Variants in SMARCA2 observed in about 807,000 individuals in gnomAD.
SMARCA2 encodes the protein SWI/SNF-related matrix-associated actin-dependent regulator of chromatin subfamily A member 2.
Under a neutral mutation model 199.8 loss-of-function variants are expected in SMARCA2, and 61 were observed. The observed-to-expected ratio is 0.31, with a 90% CI of 0.25 to 0.38. The LOEUF (loss-of-function observed/expected upper bound fraction) is 0.38, where lower values mean the gene tolerates loss of function less well. SMARCA2 is among the 10% of genes least tolerant of loss of function. The pLI is 1.00. For missense variants in SMARCA2, 1,344 were observed against 2,012.2 expected, an observed-to-expected ratio of 0.67 and a Z score of 6.35; for synonymous variants, 935 against 732.0, an observed-to-expected ratio of 1.28 and a Z score of -4.48.
intron 9 of SMARCA2, among the ~76,000 whole-genome samples, chr9:2,062,092 T>C (rs950397434): frequency 1.2e-4 from 19 of 152,232 alleles, no homozygotes; most frequent in Middle Eastern, 6.8e-3. Flanking sequence ...GTGAGGAACA[T>C]ATACGTAAGG....
intron 27 of SMARCA2, among the ~76,000 whole-genome samples, chr9:2,149,675 T>G (rs1402999483): frequency 6.6e-6 from 1 of 151,576 alleles, no homozygotes; most frequent in Admixed American, 6.6e-5. Flanking sequence ...GGGAGTACAA[T>G]TCAAGATGAG....
chr9:2,016,062 G>T lies in SMARCA2; in HGVS notation c.-37+658G>T, dbSNP rs1168848198. On this transcript the variant is annotated intron_variant, in intron 1 of 33. Transcript: ENST00000349721. This position sits in a 1 kb window ranked among gnomAD's most constrained non-coding sequence, Gnocchi z 5.6. ...CCCAGGGACTTGTTCAAAGGGCTCC[G>T]GCTGCGGAGACGTGAGCGGATCGCA... is the stretch of plus-strand genomic sequence containing the variant. 1 of 152,300 alleles carries T rather than the reference G, an allele frequency of 6.6e-6. No homozygotes were observed. Among genetic ancestry groups the T allele is most frequent in the African/African-American group, 2.4e-5 (1 of 41,460 alleles). The allele number at this position is 152,300 out of a possible 1,614,324, so 9.4% of individuals were successfully genotyped here.
At chr9:2,176,921 GT>G (rs1401994299) in intron 29 of SMARCA2, among the ~76,000 whole-genome samples, 1 of 152,014 alleles carries the variant, frequency 6.6e-6, no homozygotes, top group Non-Finnish European at 1.5e-5. Context: ...ATCCCACCCT[GT>G]TTTGCTCTTG....
rs540593827 is a variant in SMARCA2 at position 2,096,773 on chromosome 9, C to G, written c.2991+9C>G. On this transcript the variant is annotated intron_variant, in intron 20 of 33. Transcript: ENST00000349721. ...CTGAGAAAGATAAGAAGGTACGTTGCGAAAGATGATGCAACTCAAGGTGCT... is the reference window on the plus strand; with the variant it reads ...CTGAGAAAGATAAGAAGGTACGTTGGGAAAGATGATGCAACTCAAGGTGCT... The G allele has an allele frequency of 1.3e-6, 2 of 1,548,182 alleles. No individual in the cohort carries two copies. Among genetic ancestry groups the G allele is most frequent in the African/African-American group, 2.7e-5 (2 of 73,628 alleles).
chr9:2,077,082 C>A (rs1220229240), intron 13 of SMARCA2, among the ~76,000 whole-genome samples: 4 of 152,126 alleles, frequency 2.6e-5, no homozygotes, highest in Admixed American at 2.6e-4. Context: ...AAGAATCCCC[C>A]TCAGTGGTTC....
chr9:2,064,544 C>T (rs1447434698), intron 9 of SMARCA2, among the ~76,000 whole-genome samples: 1 of 152,102 alleles, frequency 6.6e-6, no homozygotes, highest in African/African-American at 2.4e-5. Context: ...CTTTTTAAAC[C>T]TTTACTGCAT....
At chr9:2,147,641 T>A (rs926611372) in intron 27 of SMARCA2, among the ~76,000 whole-genome samples, 1 of 151,948 alleles carries the variant, frequency 6.6e-6, no homozygotes, top group African/African-American at 2.4e-5. Flanking sequence ...AGGTCAGGAG[T>A]TCGAGACCAG....
chr9:2,024,404 C>T (rs1284727440), intron 1 of SMARCA2, among the ~76,000 whole-genome samples: 1 of 152,094 alleles, frequency 6.6e-6, no homozygotes, highest in African/African-American at 2.4e-5. Flanking sequence ...GTCTGATTTC[C>T]GTATCAGACT....
At chr9:2,185,004 G>C (rs1827335600) in intron 31 of SMARCA2, among the ~76,000 whole-genome samples, 1 of 152,106 alleles carries the variant, frequency 6.6e-6, no homozygotes, top group East Asian at 1.9e-4. Flanking sequence ...AGCAGGGGTT[G>C]TTTTATTTTC....
chr9:2,189,571 T>C lies in SMARCA2; in HGVS notation c.4595-1695T>C, dbSNP rs537398015. ...CATTATGACTGGCTTCTTTCATCTA[T>C]TTCTTTCGACGTCCTACATCTTTCC... On this transcript the variant is annotated intron_variant, in intron 32 of 33. Coordinates refer to ENST00000349721, the MANE Select transcript of SMARCA2 (RefSeq NM_003070.5). 7.2e-5 allele frequency among the ~76,000 whole-genome samples: 11 copies of C among 152,302 alleles called. No homozygotes were observed. The South Asian group carries it at 2.3e-3, about 32-fold the overall frequency.
intron 3 of SMARCA2, among the ~76,000 whole-genome samples, chr9:2,038,792 C>T (rs1046384692): frequency 1.3e-5 from 2 of 152,162 alleles, no homozygotes; most frequent in African/African-American, 4.8e-5. Flanking sequence ...AGGGAGAACC[C>T]AACTGTGACA....
At chr9:2,084,748 G>A (rs1159995029) in intron 17 of SMARCA2, among the ~76,000 whole-genome samples, 1 of 151,976 alleles carries the variant, frequency 6.6e-6, no homozygotes, top group Non-Finnish European at 1.5e-5. Flanking sequence ...AGTTACTTAA[G>A]GTTGTTTCTG....
At position 2,016,891 on chromosome 9, in the gene SMARCA2, G is replaced by A. The variant is rs1818376031; in HGVS notation, c.-37+1487G>A. ...GCCATGCCATCTGCAAAGGTGTCGC[G>A]ATGCACTTCCCTAAATAACCGGTCC... is the stretch of plus-strand genomic sequence containing the variant. On this transcript the variant is annotated intron_variant, in intron 1 of 33. Transcript: ENST00000349721. This position sits in a 1 kb window ranked among gnomAD's most constrained non-coding sequence, Gnocchi z 5.6. Among the ~76,000 whole-genome samples the A allele has an allele frequency of 6.6e-6, 1 of 152,174 alleles. No homozygotes were observed. Among genetic ancestry groups the A allele is most frequent in the Non-Finnish European group, 1.5e-5 (1 of 68,032 alleles).
At chr9:2,050,472 G>T (rs1195237575) in intron 5 of SMARCA2, among the ~76,000 whole-genome samples, 5 of 152,040 alleles carry the variant, frequency 3.3e-5, no homozygotes, top group African/African-American at 1.2e-4. Flanking sequence ...ACACATGTTT[G>T]CCTGGAAGAT....
chr9:2,027,476 A>G (rs188175606), intron 1 of SMARCA2, among the ~76,000 whole-genome samples: 117 of 152,274 alleles, frequency 7.7e-4, no homozygotes, highest in Non-Finnish European at 1.5e-3. Flanking sequence ...TTAAAATTAA[A>G]AAGTTGATTT....
At position 2,056,025 on chromosome 9, in the gene SMARCA2, C is replaced by T. The variant is rs1459456156; in HGVS notation, c.1174-647C>T. ...GGAATGATTATTTAATGTGTATTCT[C>T]CAGTCCCTACCCCCTACCACCACAT... On this transcript the variant is annotated intron_variant, in intron 6 of 33. Transcript: ENST00000349721. The surrounding 1 kb of genome is among the most constrained non-coding windows in gnomAD (Gnocchi z 4.0). Among the ~76,000 whole-genome samples the T allele has an allele frequency of 6.6e-6, 1 of 152,162 alleles. No homozygotes were observed. The highest frequency in any genetic ancestry group is 2.4e-5 in the African/African-American group (1 of 41,432).
rs756647714 is a variant in SMARCA2 at position 2,056,868 on chromosome 9, TCA to T, written c.1347+25_1347+26del. 3.7e-6 allele frequency: 6 copies of T among 1,605,602 alleles called. No individual in the cohort carries two copies. In the South Asian group the frequency reaches 5.5e-5, roughly 15 times the overall value. On this transcript the variant is annotated intron_variant, in intron 7 of 33. Transcript: ENST00000349721. This position sits in a 1 kb window ranked among gnomAD's most constrained non-coding sequence, Gnocchi z 4.0. ...CAGGTTCTTAGACCCTGGGCTTTGC[TCA>T]CCCTCACTTTGGCAGAGCTGTCCAA...
At chr9:2,025,467 G>A (rs745533929) in intron 1 of SMARCA2, among the ~76,000 whole-genome samples, 3 of 152,178 alleles carry the variant, frequency 2.0e-5, no homozygotes, top group African/African-American at 7.2e-5. Flanking sequence ...AATAGATTTT[G>A]TGTGTTATTA....
At chr9:2,033,103 G>T (rs1220276705) in intron 3 of SMARCA2, 22 bp downstream of exon 3, 2 of 1,609,400 alleles carry the variant, frequency 1.2e-6, no homozygotes, top group Non-Finnish European at 1.7e-6. Context: ...CTGCACACCT[G>T]ATACTGGTTC....
Sources: allele counts gnomAD v4.1 joint callset (sites outside exome capture counted in the v4.1 genomes callset), GRCh38; gene constraint gnomAD v4.1.1; non-coding constraint Gnocchi (gnomAD v3.1); transcripts MANE v1.5; gene names NCBI Gene and HGNC (gene_info 2026-07-23, HGNC 2026-07-21).